STIM2: variants seen among roughly 807,000 people sequenced by gnomAD.
STIM2 encodes the protein stromal interaction molecule 2.
Under a neutral mutation model 85.8 loss-of-function variants are expected in STIM2, and 31 were observed. The observed-to-expected ratio is 0.36, with a 90% CI of 0.27 to 0.49. STIM2 has a LOEUF of 0.49. Ranked by LOEUF, STIM2 falls within the 20% of genes least tolerant of loss-of-function variation. The pLI, the probability that STIM2 is intolerant of heterozygous loss-of-function variation, is 0.98. For synonymous variants in STIM2, 356 were observed against 331.1 expected, an observed-to-expected ratio of 1.08 and a Z score of -0.82; for missense variants, 841 against 927.6, an observed-to-expected ratio of 0.91 and a Z score of 1.21.
intron 1 of STIM2, among the ~76,000 whole-genome samples, chr4:26,891,737 G>C (rs1336539672): frequency 2.6e-5 from 4 of 152,122 alleles, no homozygotes; most frequent in African/African-American, 9.7e-5. Flanking sequence ...TGTCTGTCTT[G>C]ATTTTAGGAG....
At chr4:26,863,192 G>T (rs542780405) in intron 1 of STIM2, among the ~76,000 whole-genome samples, 2 of 152,170 alleles carry the variant, frequency 1.3e-5, no homozygotes, top group East Asian at 3.9e-4. Context: ...GGAAAAAGGT[G>T]ATTCTTATTG....
rs80227370 is a variant in STIM2 at position 26,998,923 on chromosome 4, T to A, written c.510-309T>A. On this transcript the variant is annotated intron_variant, in intron 4 of 11. Transcript: ENST00000467087. ...TGAGACTCTGTCTCAAAAAAAAAAATTTTTTTTTCAACTTTATAAATTTCT... is the reference window on the plus strand; with the variant it reads ...TGAGACTCTGTCTCAAAAAAAAAAAATTTTTTTTCAACTTTATAAATTTCT... Among the ~76,000 whole-genome samples the A allele has an allele frequency of 7.9e-3, 535 of 67,942 alleles. 3 individuals carry two copies. The highest frequency in any genetic ancestry group is 0.016 in the African/African-American group (307 of 19,324). 44.6% of individuals were successfully genotyped at this position (67,942 alleles called of 152,430 possible). A position where few individuals can be genotyped will look rare whatever the true frequency, so the allele number is the denominator to read the frequency against.
chr4:26,951,736 G>A (rs1369748365), intron 2 of STIM2, among the ~76,000 whole-genome samples: 3 of 151,980 alleles, frequency 2.0e-5, no homozygotes, highest in Admixed American at 2.0e-4. Flanking sequence ...TACTTAAAGT[G>A]AATATTAACA....
chr4:26,919,612 T>C lies in STIM2; in HGVS notation c.260T>C (p.Ile87Thr). The change falls in exon 2 of 12, where the codon ATT becomes ACT. Residue 87 changes from isoleucine (I) to threonine (T), a missense_variant. This residue lies in a region of STIM2 where 408 missense variants were observed against 525.4 expected (regional missense o/e 0.78). Coordinates refer to ENST00000467087, the MANE Select transcript of STIM2 (RefSeq NM_020860.4). ...ATGGATGATGACAAAGATGGTGGAA[T>C]TGAAGTAGAGGAAAGTGATGAAGTA... The C allele has an allele frequency of 6.2e-7, 1 of 1,613,674 alleles. No homozygotes were observed. Among genetic ancestry groups the C allele is most frequent in the Non-Finnish European group, 8.5e-7 (1 of 1,179,718 alleles).
chr4:26,969,998 C>G (rs914861533), intron 3 of STIM2, among the ~76,000 whole-genome samples: 3 of 136,068 alleles, frequency 2.2e-5, no homozygotes, highest in African/African-American at 5.6e-5. Flanking sequence ...AGCAGTTTGT[C>G]TAAGTCTTTT....
intron 3 of STIM2, among the ~76,000 whole-genome samples, chr4:26,992,629 G>GT (rs1727807244): frequency 1.3e-5 from 2 of 152,240 alleles, no homozygotes; most frequent in South Asian, 4.1e-4. Context: ...AAACAAAAAG[G>GT]TGGAGGGATA....
At chr4:26,954,207 T>C (rs565369962) in intron 2 of STIM2, among the ~76,000 whole-genome samples, 14 of 152,192 alleles carry the variant, frequency 9.2e-5, no homozygotes, top group Non-Finnish European at 1.8e-4. Flanking sequence ...CAGTTTATTA[T>C]ATGAAAACTA....
chr4:26,910,746 G>C (rs1414857743), intron 1 of STIM2, among the ~76,000 whole-genome samples: 1 of 152,152 alleles, frequency 6.6e-6, no homozygotes, highest in Non-Finnish European at 1.5e-5. Flanking sequence ...CAGTTGCTGA[G>C]GTAGAGGCAT....
In STIM2 at chr4:27,008,747, T is replaced by G. The variant is rs201317258; in HGVS notation, c.1251-17T>G. 25 of 1,612,994 alleles carry G rather than the reference T, an allele frequency of 1.5e-5. No homozygotes were observed. Among genetic ancestry groups the G allele is most frequent in the Middle Eastern group, 1.6e-4 (1 of 6,082 alleles). ...ACCTTTTGATGCAGTAAGTAATTTC[T>G]TTATTGGCTTTTCCAGGAAAGCTCT... is the stretch of plus-strand genomic sequence containing the variant. On this transcript the variant is annotated splice_polypyrimidine_tract_variant and intron_variant, in intron 9 of 11. Transcript: ENST00000467087.
intron 3 of STIM2, among the ~76,000 whole-genome samples, chr4:26,976,712 G>A (rs187226105): frequency 2.5e-3 from 385 of 152,082 alleles, no homozygotes; most frequent in South Asian, 6.0e-3. Flanking sequence ...GCTGAGGCAC[G>A]AGGATTGTTT....
intron 1 of STIM2, among the ~76,000 whole-genome samples, chr4:26,884,567 C>G (rs1014165194): frequency 1.3e-5 from 2 of 152,106 alleles, no homozygotes; most frequent in African/African-American, 4.8e-5. Flanking sequence ...ATAAAGAAAA[C>G]TAACAGGAAA....
At chr4:26,873,986 C>G in intron 1 of STIM2, 1 of 939,854 alleles carries the variant, frequency 1.1e-6, no homozygotes, top group East Asian at 2.5e-5. Context: ...CTTCTGTGCC[C>G]CTCTCTTTCT....
intron 1 of STIM2, among the ~76,000 whole-genome samples, chr4:26,898,053 C>T (rs1723776321): frequency 6.6e-6 from 1 of 152,206 alleles, no homozygotes; most frequent in South Asian, 2.1e-4. Context: ...AGACATTAGT[C>T]ACTGTGCTTG....
chr4:26,909,598 A>G (rs150115848), intron 1 of STIM2, among the ~76,000 whole-genome samples: 1 of 152,294 alleles, frequency 6.6e-6, no homozygotes, highest in East Asian at 1.9e-4. Context: ...TTATTTCTCT[A>G]GTGTTGATAT....
chr4:26,861,308 TGCCGCAACTGCC>T lies in STIM2; in HGVS notation c.94_105del (p.Ala32_Ala35del), dbSNP rs939833304. On this transcript the variant is annotated inframe_deletion, in exon 1 of 12. Coordinates refer to ENST00000467087, the MANE Select transcript of STIM2 (RefSeq NM_020860.4). ...TCCGCGGGCGGCGGGCGACTGGCTC[TGCCGCAACTGCC>T]GCCTCCTCTCCCGCCGCGGCGGCCG... 7.0e-7 allele frequency: 1 copy of T among 1,421,726 alleles called. No individual in the cohort carries two copies. Among genetic ancestry groups the T allele is most frequent in the African/African-American group, 1.5e-5 (1 of 67,006 alleles). The allele number at this position is 1,421,726 out of a possible 1,614,324, so 88.1% of individuals were successfully genotyped here.
rs184438171 is a variant in STIM2, at chr4:26,980,323, C to G, written c.398-15056C>G. Reference sequence around the variant, plus strand: ...TAAAGATTTTGTTTGCATATCACATCAAGTATAAGAAAGGGCAATTTATAA... The same window carrying G: ...TAAAGATTTTGTTTGCATATCACATGAAGTATAAGAAAGGGCAATTTATAA... On this transcript the variant is annotated intron_variant, in intron 3 of 11. Transcript: ENST00000467087. Among the ~76,000 whole-genome samples the G allele has an allele frequency of 1.6e-4, 24 of 152,156 alleles. No individual in the cohort carries two copies. In the East Asian group the frequency reaches 4.6e-3, roughly 29 times the overall value.
intron 1 of STIM2, among the ~76,000 whole-genome samples, chr4:26,871,980 T>C (rs1001762091): frequency 3.3e-5 from 5 of 152,232 alleles, no homozygotes; most frequent in African/African-American, 1.2e-4. Context: ...TAAATTTCCT[T>C]ATCTCTAAAA....
intron 2 of STIM2, among the ~76,000 whole-genome samples, chr4:26,940,252 A>G (rs1725561382): frequency 6.6e-6 from 1 of 152,160 alleles, no homozygotes; most frequent in African/African-American, 2.4e-5. Flanking sequence ...TTCCTCCACC[A>G]TAAGTGTGTA....
At chr4:26,981,428 A>AG (rs1727392590) in intron 3 of STIM2, among the ~76,000 whole-genome samples, 1 of 152,222 alleles carries the variant, frequency 6.6e-6, no homozygotes, top group Non-Finnish European at 1.5e-5. Context: ...CTACCTGCAT[A>AG]ATTGAAGAAG....
Sources: allele counts gnomAD v4.1 joint callset (sites outside exome capture counted in the v4.1 genomes callset), GRCh38; gene constraint gnomAD v4.1.1; regional missense constraint gnomAD v4.1.1; transcripts MANE v1.5; gene names NCBI Gene and HGNC (gene_info 2026-07-23, HGNC 2026-07-21).